GALNTL6: variants seen among roughly 807,000 people sequenced by gnomAD.
The protein encoded by GALNTL6 is polypeptide N-acetylgalactosaminyltransferase-like 6.
A neutral mutation model predicts 73.7 loss-of-function variants in GALNTL6; 46 were observed. The observed-to-expected ratio is 0.62, with a 90% confidence interval of 0.49 to 0.80. The LOEUF is 0.80. Ranked by LOEUF, GALNTL6 falls within the 30% of genes least tolerant of loss-of-function variation. The probability of loss-of-function intolerance (pLI) is 0.00; values close to 1 mark genes in which losing one functional copy is unlikely to be tolerated. For synonymous variants in GALNTL6, 259 were observed against 263.7 expected (o/e 0.98, Z 0.17); for missense variants, 604 against 755.0 (o/e 0.80, Z 2.34).
chr4:172,743,421 T>G (rs1258884972), intron 5 of GALNTL6, among the ~76,000 whole-genome samples: 1 of 152,006 alleles, frequency 6.6e-6, no homozygotes, highest in East Asian at 1.9e-4. Flanking sequence ...TATGCCTTGT[T>G]TTTGGGGGTA....
intron 5 of GALNTL6, among the ~76,000 whole-genome samples, chr4:172,693,568 G>A (rs540119469): frequency 6.6e-6 from 1 of 152,106 alleles, no homozygotes; most frequent in Non-Finnish European, 1.5e-5. Context: ...GCCACATATA[G>A]ACACCTTAAC....
intron 5 of GALNTL6, among the ~76,000 whole-genome samples, chr4:172,631,237 C>T (rs1218350982): frequency 6.6e-6 from 1 of 151,792 alleles, no homozygotes; most frequent in Non-Finnish European, 1.5e-5. Context: ...CTCCGCCTCC[C>T]GGGTTCTAGC....
At chr4:172,559,058 A>ATTT (rs71592081) in intron 5 of GALNTL6, among the ~76,000 whole-genome samples, 13,302 of 77,118 alleles carry the variant, frequency 0.17, 4,846 homozygotes, top group African/African-American at 0.39. Context: ...ATGATAATGG[A>ATTT]TTTTTTTTTT....
chr4:172,048,995 T>C lies in GALNTL6; in HGVS notation c.139-180661T>C, dbSNP rs188121231. 5.1e-3 allele frequency among the ~76,000 whole-genome samples: 771 copies of C among 152,282 alleles called. 3 individuals carry two copies. The highest frequency in any genetic ancestry group is 0.016 in the African/African-American group (666 of 41,576). ...CTTGATAGAGTTGTTTCCACTGATA[T>C]TTTATCAGCTCCAGCAGTAACGCAA... On this transcript the variant is annotated intron_variant, in intron 2 of 12. Coordinates refer to ENST00000506823, the MANE Select transcript of GALNTL6 (RefSeq NM_001034845.3).
intron 5 of GALNTL6, among the ~76,000 whole-genome samples, chr4:172,712,428 G>T (rs1443888271): frequency 1.3e-5 from 2 of 152,034 alleles, no homozygotes; most frequent in Non-Finnish European, 1.5e-5. Context: ...ATCTCCAAAT[G>T]CTATCCCTCC....
intron 2 of GALNTL6, among the ~76,000 whole-genome samples, chr4:171,818,789 T>C (rs1734600532): frequency 6.6e-6 from 1 of 151,972 alleles, no homozygotes; most frequent in East Asian, 1.9e-4. Context: ...TTGACAGATA[T>C]GTGACTTTAC....
At chr4:172,121,957 C>CT (rs35299123) in intron 2 of GALNTL6, among the ~76,000 whole-genome samples, 22 of 147,622 alleles carry the variant, frequency 1.5e-4, no homozygotes, top group East Asian at 4.0e-4. Flanking sequence ...TTAGGTGACA[C>CT]TTTTTTTTTT....
chr4:172,737,053 G>A (rs1736511267), intron 5 of GALNTL6, among the ~76,000 whole-genome samples: 1 of 152,096 alleles, frequency 6.6e-6, no homozygotes, highest in South Asian at 2.1e-4. Flanking sequence ...TCTTGGGTAT[G>A]TCTTATTATC....
At chr4:172,313,036 C>T in intron 4 of GALNTL6, among the ~76,000 whole-genome samples, 1 of 152,060 alleles carries the variant, frequency 6.6e-6, no homozygotes, top group Non-Finnish European at 1.5e-5. Context: ...TACCTAATTG[C>T]ACATCATCAA....
chr4:172,486,783 T>C (rs112772633), intron 5 of GALNTL6, among the ~76,000 whole-genome samples: 3,203 of 152,332 alleles, frequency 0.021, 56 homozygotes, highest in Non-Finnish European at 0.031. Flanking sequence ...CTCTTATGCA[T>C]AAAAACAGAT....
intron 5 of GALNTL6, among the ~76,000 whole-genome samples, chr4:172,516,355 A>G (rs1254967036): frequency 1.3e-5 from 2 of 152,198 alleles, no homozygotes; most frequent in African/African-American, 2.4e-5. Flanking sequence ...AGAAATTTCT[A>G]CTGGGTTTCA....
At position 172,377,911 on chromosome 4, in the gene GALNTL6, C is replaced by A. The variant is rs982561086; in HGVS notation, c.553+29222C>A. Among the ~76,000 whole-genome samples the A allele has an allele frequency of 3.3e-5, 5 of 151,674 alleles. 1 individual carries two copies. Among genetic ancestry groups the A allele is most frequent in the African/African-American group, 7.3e-5 (3 of 41,150 alleles). On this transcript the variant is annotated intron_variant, in intron 5 of 12. Coordinates refer to ENST00000506823, the MANE Select transcript of GALNTL6 (RefSeq NM_001034845.3). ...GCACGCAGCACCAGATCCCCCCCCCCATGCCTCTTCCTCCACACCTCCCCA... is the reference window on the plus strand; with the variant it reads ...GCACGCAGCACCAGATCCCCCCCCCAATGCCTCTTCCTCCACACCTCCCCA...
At position 172,827,650 on chromosome 4, in the gene GALNTL6, T is replaced by C. The variant is rs545682994; in HGVS notation, c.923+13927T>C. ...TCATGTTCCCGCTTTCAACAAATCA[T>C]TGCTCTTGCAAATGAAAGCTCTGTT... On this transcript the variant is annotated intron_variant, in intron 7 of 12. Transcript: ENST00000506823. Among the ~76,000 whole-genome samples, 327 of 152,212 alleles carry C rather than the reference T, an allele frequency of 2.1e-3. 1 individual carries two copies. Among genetic ancestry groups the C allele is most frequent in the Non-Finnish European group, 3.5e-3 (240 of 68,016 alleles).
chr4:172,645,450 A>T (rs946813450), intron 5 of GALNTL6, among the ~76,000 whole-genome samples: 4 of 151,984 alleles, frequency 2.6e-5, no homozygotes, highest in African/African-American at 7.2e-5. Context: ...TGAGAAGATT[A>T]TCCATGCCCC....
chr4:172,082,999 C>G (rs1731924949), intron 2 of GALNTL6, among the ~76,000 whole-genome samples: 1 of 152,052 alleles, frequency 6.6e-6, no homozygotes, highest in Admixed American at 6.6e-5. Context: ...AAGCTTGATC[C>G]TTCTGGAATC....
chr4:172,219,290 T>A (rs181342016), intron 2 of GALNTL6, among the ~76,000 whole-genome samples: 4,586 of 149,220 alleles, frequency 0.031, 107 homozygotes, highest in Non-Finnish European at 0.051. Flanking sequence ...TTTAAAAAAA[T>A]TATTCCTTGG....
chr4:172,773,122 C>T (rs933927841), intron 5 of GALNTL6, among the ~76,000 whole-genome samples: 1 of 152,194 alleles, frequency 6.6e-6, no homozygotes, highest in Non-Finnish European at 1.5e-5. Flanking sequence ...ACATGCATCA[C>T]TCCGTGTGAT....
chr4:171,950,461 C>A (rs1738839717), intron 2 of GALNTL6, among the ~76,000 whole-genome samples: 1 of 145,396 alleles, frequency 6.9e-6, no homozygotes, highest in South Asian at 2.2e-4. Flanking sequence ...GGTGGGTGAG[C>A]AAAGTAAAAT....
chr4:172,238,485 T>C (rs1309538197), intron 3 of GALNTL6, among the ~76,000 whole-genome samples: 2 of 152,194 alleles, frequency 1.3e-5, no homozygotes, highest in East Asian at 1.9e-4. Context: ...GTTTATACAA[T>C]CTAGGAGCCA....
Sources: gnomAD v4.1 joint callset for allele counts (sites outside exome capture counted in the v4.1 genomes callset) on GRCh38, gnomAD v4.1.1 for gene constraint, MANE v1.5 for transcripts, NCBI Gene and HGNC (gene_info 2026-07-23, HGNC 2026-07-21) for gene names.